The following ZNF236 variants were observed in gnomAD, a reference collection of about 807,000 sequenced individuals.
The protein encoded by ZNF236 is regulated by glucose.
ZNF236 carries 50 observed loss-of-function variants against 191.2 expected under a neutral mutation model. That is an observed-to-expected ratio of 0.26 (90% CI 0.21 to 0.33). The LOEUF (loss-of-function observed/expected upper bound fraction) is 0.33. Ranked by LOEUF, ZNF236 falls within the 10% of genes least tolerant of loss-of-function variation. The pLI is 1.00. For synonymous variants in ZNF236, 907 were observed against 928.8 expected (o/e 0.98, Z 0.43); for missense variants, 1,754 against 2,374.5 (o/e 0.74, Z 5.43).
At chr18:76,834,001 A>T (rs1311038192) in intron 1 of ZNF236, among the ~76,000 whole-genome samples, 4 of 152,152 alleles carry the variant, frequency 2.6e-5, no homozygotes, top group Admixed American at 1.3e-4. Context: ...CTTTTGGGGA[A>T]AATTTTAAAT....
At chr18:76,861,578 A>G (rs1189197027) in intron 3 of ZNF236, among the ~76,000 whole-genome samples, 1 of 152,262 alleles carries the variant, frequency 6.6e-6, no homozygotes, top group Non-Finnish European at 1.5e-5. Context: ...TCAAAATAAT[A>G]CATTCCTTGC....
chr18:76,906,708 G>A (rs1977752767), intron 13 of ZNF236, among the ~76,000 whole-genome samples: 2 of 152,142 alleles, frequency 1.3e-5, no homozygotes, highest in Admixed American at 6.5e-5. Context: ...TATATTGTGC[G>A]ACCATTGTTT....
intron 30 of ZNF236, among the ~76,000 whole-genome samples, chr18:76,962,120 C>T (rs557144180): frequency 3.4e-4 from 52 of 152,174 alleles, no homozygotes; most frequent in African/African-American, 1.2e-3. Flanking sequence ...CACTTTTGTG[C>T]TCTTGGTCCT....
chr18:76,908,325 A>G lies in ZNF236; in HGVS notation c.2303A>G (p.Glu768Gly). 6.2e-7 allele frequency: 1 copy of G among 1,612,890 alleles called. No individual in the cohort carries two copies. The highest frequency in any genetic ancestry group is 8.5e-7 in the Non-Finnish European group (1 of 1,179,056). The change falls in exon 14 of 31, where the codon GAG becomes GGG. Residue 768 changes from glutamate to glycine, a missense_variant. By Grantham distance (98) the Glu-to-Gly change is moderately conservative. Transcript: ENST00000320610. ...TGTTGTTAATTTTTCTGAAGATATGAGCTTGCCCAGCAGCTCCAACAGCAT... is the reference window on the plus strand; with the variant it reads ...TGTTGTTAATTTTTCTGAAGATATGGGCTTGCCCAGCAGCTCCAACAGCAT... Reference protein sequence around the residue: ...CKKHMKTHRYELAQQLQQHQQ... With the variant: ...CKKHMKTHRYGLAQQLQQHQQ...
Position 76,822,566 on chromosome 18 carries a change from TGTGA to T in ZNF236, c.-38_-35del, listed in dbSNP as rs907002874. The T allele has an allele frequency of 6.8e-6, 1 of 146,330 alleles. No homozygotes were observed. Among genetic ancestry groups the T allele is most frequent in the Non-Finnish European group, 1.5e-5 (1 of 66,702 alleles). The allele number at this position is 146,330 out of a possible 1,614,324, so 9.1% of individuals were successfully genotyped here. On this transcript the variant is annotated 5_prime_UTR_variant, in exon 1 of 31. Transcript: ENST00000320610. Reference sequence around the variant, plus strand: ...CCCCGCCGCCGCGTGTGAGTGTGAGTGTGAGTGTGAGTGGGTGTGGGTGCGAGCC... The same window carrying T: ...CCCCGCCGCCGCGTGTGAGTGTGAGTGTGTGAGTGGGTGTGGGTGCGAGCC...
Position 76,868,676 on chromosome 18 carries a change from C to G in ZNF236, c.364-9C>G. On this transcript the variant is annotated splice_polypyrimidine_tract_variant and intron_variant, in intron 3 of 30. Coordinates refer to ENST00000320610, the MANE Select transcript of ZNF236 (RefSeq NM_001306089.2). ...TTTGCTCTGCTCACCGATGGGTTTTCTCTTCCAGAATCTCATCTGTTCTGA... is the reference window on the plus strand; with the variant it reads ...TTTGCTCTGCTCACCGATGGGTTTTGTCTTCCAGAATCTCATCTGTTCTGA... 6.3e-7 allele frequency: 1 copy of G among 1,585,888 alleles called. No homozygotes were observed. The highest frequency in any genetic ancestry group is 8.6e-7 in the Non-Finnish European group (1 of 1,163,582).
intron 1 of ZNF236, among the ~76,000 whole-genome samples, chr18:76,846,941 T>C (rs564382960): frequency 6.6e-6 from 1 of 152,070 alleles, no homozygotes; most frequent in Admixed American, 6.5e-5. Context: ...ATTACAGGCG[T>C]GCGCCATCAA....
At chr18:76,908,663 A>G (rs1277406081) in intron 14 of ZNF236, 90 bp downstream of exon 14, 2 of 1,487,208 alleles carry the variant, frequency 1.3e-6, no homozygotes, top group East Asian at 2.3e-5. Context: ...GTCTCCCATC[A>G]CTGACTTTTA....
Position 76,913,814 on chromosome 18 carries a change from G to A in ZNF236, c.2977G>A (p.Gly993Arg), listed in dbSNP as rs1027843585. 3.1e-6 allele frequency: 5 copies of A among 1,614,180 alleles called. No homozygotes were observed. The highest frequency in any genetic ancestry group is 4.2e-6 in the Non-Finnish European group (5 of 1,180,010). ...GAAGCAGCATGTGCGGTCGCACACC[G>A]GGGAAAAGCCCTACAAGTGCAAGCT... Reference protein sequence around the residue: ...HLKQHVRSHTGEKPYKCKLCG... With the variant: ...HLKQHVRSHTREKPYKCKLCG... The change falls in exon 18 of 31, where the codon GGG becomes AGG. Residue 993 changes from glycine to arginine, a missense_variant. Physicochemically the swap from Gly to Arg is moderately radical, Grantham distance 125. Around this residue, in one of 5 missense-constraint regions of ZNF236, gnomAD observed 641 missense variants for 869.6 expected, o/e 0.74. Transcript: ENST00000320610.
intron 3 of ZNF236, among the ~76,000 whole-genome samples, chr18:76,866,193 C>A (rs1349719578): frequency 6.6e-6 from 1 of 152,210 alleles, no homozygotes; most frequent in African/African-American, 2.4e-5. Flanking sequence ...TCAACACAAA[C>A]AACTTTCCCA....
rs1269070759 is a variant in ZNF236 at position 76,956,115 on chromosome 18, A to G, written c.5045A>G (p.His1682Arg). The G allele has an allele frequency of 3.8e-6, 6 of 1,580,368 alleles. No homozygotes were observed. Among genetic ancestry groups the G allele is most frequent in the Non-Finnish European group, 3.4e-6 (4 of 1,163,924 alleles). Reference sequence around the variant, plus strand: ...CTCATGCACCACAGCAAGGAGGTGCATGGCCGGGAGCGCATCCACGGCTGC... The same window carrying G: ...CTCATGCACCACAGCAAGGAGGTGCGTGGCCGGGAGCGCATCCACGGCTGC... The part of the protein sequence containing the change: ...AVLMHHSKEV[H>R]GRERIHGCPV... Residue 1682 changes from histidine (H) to arginine (R), a missense_variant, in exon 28 of 31, where the codon CAT (histidine) becomes CGT (arginine). His to Arg is a conservative substitution (Grantham distance 29). This residue lies in a region of ZNF236 where 606 missense variants were observed against 761.5 expected (regional missense o/e 0.80). Coordinates refer to ENST00000320610, the MANE Select transcript of ZNF236 (RefSeq NM_001306089.2).
At position 76,956,048 on chromosome 18, in the gene ZNF236, C is replaced by G; in HGVS notation, c.4978C>G (p.Gln1660Glu). 1 of 1,609,706 alleles carries G rather than the reference C, an allele frequency of 6.2e-7. No individual in the cohort carries two copies. Among genetic ancestry groups the G allele is most frequent in the African/African-American group, 1.3e-5 (1 of 75,024 alleles). Reference sequence around the variant, plus strand: ...GCCAGAGAAGGAGGGCCGGGCGCACCAGTGCCTGGAGTGTGACCGCGCCTT... The same window carrying G: ...GCCAGAGAAGGAGGGCCGGGCGCACGAGTGCCTGGAGTGTGACCGCGCCTT... ...NQPEKEGRAHQCLECDRAFSS... is the reference protein window; with the variant it reads ...NQPEKEGRAHECLECDRAFSS... Residue 1660 changes from glutamine to glutamate, a missense_variant, in exon 28 of 31, where the codon CAG (glutamine) becomes GAG (glutamate). Physicochemically the swap from Gln to Glu is conservative, Grantham distance 29 (BLOSUM62 2). Around this residue, in one of 5 missense-constraint regions of ZNF236, gnomAD observed 606 missense variants for 761.5 expected, o/e 0.80. Coordinates refer to ENST00000320610, the MANE Select transcript of ZNF236 (RefSeq NM_001306089.2).
intron 3 of ZNF236, among the ~76,000 whole-genome samples, chr18:76,854,105 A>T (rs1402528055): frequency 6.6e-6 from 1 of 152,208 alleles, no homozygotes; most frequent in East Asian, 1.9e-4. Flanking sequence ...GAGATAACGC[A>T]TGCAAAACAG....
At chr18:76,948,251 A>G (rs979679613) in intron 27 of ZNF236, among the ~76,000 whole-genome samples, 1 of 152,212 alleles carries the variant, frequency 6.6e-6, no homozygotes, top group African/African-American at 2.4e-5. Context: ...TAATCTCTGA[A>G]TTTAGGAAGC....
intron 11 of ZNF236, among the ~76,000 whole-genome samples, chr18:76,903,105 A>G (rs1365922159): frequency 1.3e-5 from 2 of 152,208 alleles, no homozygotes; most frequent in Non-Finnish European, 2.9e-5. Flanking sequence ...TTGAAAAATA[A>G]GGTTCTGATG....
intron 27 of ZNF236, 106 bp downstream of exon 27, chr18:76,947,758 G>T: frequency 7.1e-7 from 1 of 1,402,628 alleles, no homozygotes; most frequent in African/African-American, 1.4e-5. Context: ...GACCCAGGTG[G>T]CTGGGGCTGA....
At chr18:76,855,111 A>G (rs1205746863) in intron 3 of ZNF236, among the ~76,000 whole-genome samples, 1 of 152,036 alleles carries the variant, frequency 6.6e-6, no homozygotes, top group African/African-American at 2.4e-5. Context: ...TTTAGTAGAG[A>G]CGGGGTTTCG....
At chr18:76,935,921 C>T (rs528417082) in intron 25 of ZNF236, 22 of 455,040 alleles carry the variant, frequency 4.8e-5, no homozygotes, top group East Asian at 3.5e-4. Context: ...TGTGGAGCCC[C>T]GGCGGCTGCT....
At chr18:76,913,392 C>T (rs1331649880) in intron 17 of ZNF236, among the ~76,000 whole-genome samples, 1 of 152,140 alleles carries the variant, frequency 6.6e-6, no homozygotes, top group African/African-American at 2.4e-5. Flanking sequence ...TAGTGTCTAA[C>T]GACTTAATAA....
Sources: gnomAD v4.1 joint callset for allele counts (sites outside exome capture counted in the v4.1 genomes callset) on GRCh38, gnomAD v4.1.1 for gene constraint, gnomAD v4.1.1 regional missense constraint, MANE v1.5 for transcripts, NCBI Gene and HGNC (gene_info 2026-07-23, HGNC 2026-07-21) for gene names.